PREP: variants seen among roughly 807,000 people sequenced by gnomAD.
The protein encoded by PREP is dJ355L5.1 (prolyl endopeptidase).
A neutral mutation model predicts 87.6 loss-of-function variants in PREP; 29 were observed. The observed-to-expected ratio is 0.33, with a 90% confidence interval of 0.25 to 0.45. PREP has a LOEUF of 0.45. PREP is among the 20% of genes least tolerant of loss of function. The pLI, the probability that PREP is intolerant of heterozygous loss-of-function variation, is 1.00. For synonymous variants in PREP, 337 were observed against 328.6 expected (o/e 1.03, Z -0.28); for missense variants, 695 against 886.5 (o/e 0.78, Z 2.74).
intron 7 of PREP, among the ~76,000 whole-genome samples, chr6:105,349,439 A>G (rs1289481693): frequency 6.6e-6 from 1 of 152,136 alleles, no homozygotes; most frequent in East Asian, 1.9e-4. Flanking sequence ...TTTTCTCCCT[A>G]TGTGCTTTTT....
chr6:105,401,956 G>A (rs1773440330), intron 1 of PREP, among the ~76,000 whole-genome samples: 1 of 152,152 alleles, frequency 6.6e-6, no homozygotes, highest in African/African-American at 2.4e-5. Context: ...CTATTAGTAA[G>A]AGAATCACGG....
chr6:105,380,174 C>T (rs1772800135), intron 2 of PREP, among the ~76,000 whole-genome samples: 10 of 152,074 alleles, frequency 6.6e-5, no homozygotes, highest in Admixed American at 6.5e-4. Context: ...TCACAAAAGC[C>T]CTTCTGAGGA....
chr6:105,311,353 C>G (rs1209453169), intron 10 of PREP, among the ~76,000 whole-genome samples: 2 of 152,192 alleles, frequency 1.3e-5, no homozygotes, highest in South Asian at 2.1e-4. Context: ...ATCCACTCCC[C>G]CCTTACTCAC....
chr6:105,402,400 T>C (rs1773456218), intron 1 of PREP, among the ~76,000 whole-genome samples: 2 of 150,752 alleles, frequency 1.3e-5, no homozygotes, highest in Admixed American at 6.6e-5. Context: ...AAGTTTGTTT[T>C]CGTTTTTAAA....
chr6:105,324,147 G>A (rs184869238), intron 9 of PREP, among the ~76,000 whole-genome samples: 47 of 152,274 alleles, frequency 3.1e-4, no homozygotes, highest in African/African-American at 1.1e-3. Context: ...CAAAAAAATG[G>A]TAGACTTCAT....
chr6:105,285,362 T>C (rs1770170261), intron 12 of PREP, 124 bp downstream of exon 12: 1 of 825,154 alleles, frequency 1.2e-6, no homozygotes, highest in Non-Finnish European at 1.9e-6. Flanking sequence ...ATCCTTGTTT[T>C]TCATTCGTCT....
chr6:105,310,831 A>G (rs1770746003), intron 10 of PREP, among the ~76,000 whole-genome samples: 1 of 152,214 alleles, frequency 6.6e-6, no homozygotes, highest in African/African-American at 2.4e-5. Flanking sequence ...TGAGACTCAA[A>G]TATCTAACTC....
chr6:105,378,942 C>T (rs761544371), intron 2 of PREP, among the ~76,000 whole-genome samples: 4 of 152,188 alleles, frequency 2.6e-5, no homozygotes, highest in Admixed American at 1.3e-4. Context: ...CCTACAAAAA[C>T]CACCAATCCC....
At chr6:105,293,661 AC>A (rs1770348063) in intron 10 of PREP, among the ~76,000 whole-genome samples, 1 of 152,094 alleles carries the variant, frequency 6.6e-6, no homozygotes. Flanking sequence ...GTATGCCTGT[AC>A]ATACAATATA....
At chr6:105,292,035 A>G (rs900679607) in intron 10 of PREP, among the ~76,000 whole-genome samples, 1 of 152,160 alleles carries the variant, frequency 6.6e-6, no homozygotes, top group African/African-American at 2.4e-5. Flanking sequence ...TTCTCTTGCT[A>G]TTTCCCCAAC....
intron 10 of PREP, among the ~76,000 whole-genome samples, chr6:105,317,661 A>G (rs747059370): frequency 5.9e-5 from 9 of 152,112 alleles, no homozygotes; most frequent in South Asian, 2.1e-4. Flanking sequence ...CTGTGTCCAC[A>G]TCCTGCTCAG....
intron 10 of PREP, among the ~76,000 whole-genome samples, chr6:105,323,388 G>A (rs1583055143): frequency 6.6e-6 from 1 of 152,078 alleles, no homozygotes; most frequent in East Asian, 1.9e-4. Context: ...GACACAGACA[G>A]AAATGTTACA....
chr6:105,313,341 T>C (rs1770798213), intron 10 of PREP, among the ~76,000 whole-genome samples: 2 of 152,218 alleles, frequency 1.3e-5, no homozygotes, highest in South Asian at 4.1e-4. Context: ...GAAATCTGTG[T>C]AGCAGGTGGA....
Position 105,276,800 on chromosome 6 carries a change from A to AATT in PREP, c.*1341_*1343dup, listed in dbSNP as rs570754041. Among the ~76,000 whole-genome samples the AATT allele has an allele frequency of 1.5e-3, 232 of 152,298 alleles. No homozygotes were observed. The highest frequency in any genetic ancestry group is 5.1e-3 in the African/African-American group (210 of 41,580). On this transcript the variant is annotated 3_prime_UTR_variant, in exon 15 of 15. Coordinates refer to ENST00000652536, the MANE Select transcript of PREP (RefSeq NM_002726.5). ...ATGCTTGATAGAAAATGGTATGTCT[A>AATT]ATTTTTGACCATAACTTGAAACGTA...
At chr6:105,353,149 A>C in intron 6 of PREP, 72 bp from the exon 7 acceptor site, 1 of 1,264,724 alleles carries the variant, frequency 7.9e-7, no homozygotes, top group East Asian at 2.3e-5. Context: ...TTGAATATTA[A>C]GTTAAAAAAT....
chr6:105,367,469 C>T (rs1479636673), intron 6 of PREP, among the ~76,000 whole-genome samples: 1 of 152,030 alleles, frequency 6.6e-6, no homozygotes, highest in Non-Finnish European at 1.5e-5. Flanking sequence ...GTCAGGAGAT[C>T]GAGACCATCC....
chr6:105,303,339 AACC>A (rs139072205), intron 10 of PREP, among the ~76,000 whole-genome samples: 2,989 of 152,146 alleles, frequency 0.02, 107 homozygotes, highest in African/African-American at 0.07. Flanking sequence ...TGCTGGTGTG[AACC>A]ACCAAGCCCA....
At chr6:105,285,438 T>G (rs749864379) in intron 12 of PREP, 48 bp downstream of exon 12, 1 of 1,552,400 alleles carries the variant, frequency 6.4e-7, no homozygotes, top group Non-Finnish European at 8.9e-7. Flanking sequence ...AGCACAACCT[T>G]AGCTTTGATT....
chr6:105,322,795 T>C, intron 10 of PREP: 1 of 1,067,320 alleles, frequency 9.4e-7, no homozygotes, highest in Non-Finnish European at 1.1e-6. Context: ...CAAAGCTTTA[T>C]TCATGATCTA....
Sources: gnomAD v4.1 joint callset for allele counts (sites outside exome capture counted in the v4.1 genomes callset) on GRCh38, gnomAD v4.1.1 for gene constraint, MANE v1.5 for transcripts, NCBI Gene and HGNC (gene_info 2026-07-23, HGNC 2026-07-21) for gene names.